The following FASTKD1 variants were observed in gnomAD, a reference collection of about 807,000 sequenced individuals.
FASTKD1 encodes the protein FAST kinase domain-containing protein 1, mitochondrial.
FASTKD1 carries 94 observed loss-of-function variants against 90.9 expected under a neutral mutation model. That is an observed-to-expected ratio of 1.03 (90% confidence interval 0.88 to 1.23). The LOEUF (loss-of-function observed/expected upper bound fraction) is 1.23. Ranked by LOEUF, FASTKD1 falls within the 50% of genes most tolerant of loss-of-function variation. The pLI is 0.00. For synonymous variants in FASTKD1, 319 were observed against 345.8 expected (o/e 0.92, Z 0.86); for missense variants, 945 against 993.5 (o/e 0.95, Z 0.66).
chr2:169,560,312 GC>G, intron 5 of FASTKD1, 74 bp downstream of exon 5: 2 of 1,178,020 alleles, frequency 1.7e-6, no homozygotes, highest in African/African-American at 3.1e-5. Context: ...ACCTTCCAGA[GC>G]TGCAAGGAGA....
rs1486699896 is a variant in FASTKD1 at position 169,544,716 on chromosome 2, C to T, written c.1816+5G>A. 4 of 1,507,896 alleles carry T rather than the reference C, an allele frequency of 2.7e-6. No individual in the cohort carries two copies. Among genetic ancestry groups the T allele is most frequent in the Non-Finnish European group, 9.2e-7 (1 of 1,084,758 alleles). The allele number at this position is 1,507,896 out of a possible 1,614,324, so 93.4% of individuals were successfully genotyped here. The stretch of plus-strand genomic sequence containing the variant: ...ACTCAATGTATTACCAAACAATATA[C>T]CTACCTAAGTAAGAATTAAGATGTT... On this transcript the variant is annotated splice_donor_5th_base_variant and intron_variant, in intron 9 of 14. Coordinates refer to ENST00000453153, the MANE Select transcript of FASTKD1 (RefSeq NM_024622.6).
At chr2:169,539,986 A>C in intron 10 of FASTKD1, 65 bp downstream of exon 10, 1 of 1,043,134 alleles carries the variant, frequency 9.6e-7, no homozygotes, top group Non-Finnish European at 1.4e-6. Flanking sequence ...TTCAGTATAG[A>C]TAGACCTGAG....
At position 169,546,258 on chromosome 2, in the gene FASTKD1, A is replaced by G; in HGVS notation, c.1661T>C (p.Leu554Pro). ...SSTDYLSTLL[L>P]DRIASVAVQQ... Reference sequence around the variant, plus strand: ...AACAGCCACTGAGGCTATCCTATCTAGTAGCAAAGTACTGAGGTAATCAGT... The same window carrying G: ...AACAGCCACTGAGGCTATCCTATCTGGTAGCAAAGTACTGAGGTAATCAGT... Residue 554 changes from leucine (L) to proline (P), a missense_variant, in exon 8 of 15, where the codon CTA becomes CCA. Leu to Pro is a moderately conservative substitution (Grantham distance 98). Coordinates refer to ENST00000453153, the MANE Select transcript of FASTKD1 (RefSeq NM_024622.6). 1.2e-6 allele frequency: 2 copies of G among 1,607,360 alleles called. No individual in the cohort carries two copies. The highest frequency in any genetic ancestry group is 4.5e-5 in the East Asian group (2 of 44,802).
intron 7 of FASTKD1, among the ~76,000 whole-genome samples, chr2:169,554,278 TAAAAAAAAAAAAAAAAAAAAA>T (rs58641456): frequency 3.4e-5 from 1 of 29,782 alleles, no homozygotes; most frequent in Non-Finnish European, 5.2e-5. Context: ...ACCCTGTCTC[TAAAAAAAAAAAAAAAAAAAAA>T]AAAAAAAAAA....
chr2:169,537,422 T>C, intron 11 of FASTKD1, 82 bp from the exon 12 acceptor site: 1 of 911,094 alleles, frequency 1.1e-6, no homozygotes, highest in East Asian at 2.9e-5. Flanking sequence ...TTCGCTCTTG[T>C]TGCCCAGGCT....
chr2:169,567,505 T>C (rs1431470299), intron 3 of FASTKD1, among the ~76,000 whole-genome samples: 1 of 152,190 alleles, frequency 6.6e-6, no homozygotes, highest in East Asian at 1.9e-4. Flanking sequence ...AAGATTAACT[T>C]AAAATCACAA....
At chr2:169,544,235 T>C (rs1338236539) in intron 9 of FASTKD1, among the ~76,000 whole-genome samples, 1 of 152,214 alleles carries the variant, frequency 6.6e-6, no homozygotes, top group Non-Finnish European at 1.5e-5. Context: ...TGTTTAATTC[T>C]TTATACAAGT....
chr2:169,542,583 T>C (rs990405995), intron 9 of FASTKD1, among the ~76,000 whole-genome samples: 1 of 152,232 alleles, frequency 6.6e-6, no homozygotes, highest in African/African-American at 2.4e-5. Flanking sequence ...AAGACTTTTC[T>C]GGCCAGGTGT....
chr2:169,537,121 C>T, intron 12 of FASTKD1, 106 bp downstream of exon 12: 3 of 651,212 alleles, frequency 4.6e-6, no homozygotes, highest in Non-Finnish European at 2.6e-6. Context: ...ATAATAACAA[C>T]TTGAAAAAAA....
At chr2:169,547,621 C>A (rs1338959211) in intron 7 of FASTKD1, among the ~76,000 whole-genome samples, 1 of 152,138 alleles carries the variant, frequency 6.6e-6, no homozygotes, top group East Asian at 1.9e-4. Context: ...ATAGGCCAGG[C>A]ACGGTGGCTC....
rs1224276952 is a variant in FASTKD1 at position 169,557,177 on chromosome 2, GA to G, written c.1082+9del. The stretch of plus-strand genomic sequence containing the variant: ...AACAAACTTAACGTCGTAAATTTCA[GA>G]AAAGATACCTTTTAATCAGACATGA... On this transcript the variant is annotated intron_variant, in intron 6 of 14. Transcript: ENST00000453153. 13 of 1,551,726 alleles carry G rather than the reference GA, an allele frequency of 8.4e-6. No homozygotes were observed. Among genetic ancestry groups the G allele is most frequent in the Non-Finnish European group, 1.2e-5 (13 of 1,124,814 alleles).
At position 169,572,034 on chromosome 2, in the gene FASTKD1, A is replaced by G. The variant is rs879055818; in HGVS notation, c.-5T>C. 3 of 1,560,080 alleles carry G rather than the reference A, an allele frequency of 1.9e-6. No individual in the cohort carries two copies. The Admixed American group carries it at 6.1e-5, about 32-fold the overall frequency. On this transcript the variant is annotated 5_prime_UTR_variant, in exon 2 of 15. Coordinates refer to ENST00000453153, the MANE Select transcript of FASTKD1 (RefSeq NM_024622.6). ...GAAAACAGGTGTTTTTTTCATTTAT[A>G]TCACAAGTTTTCTTAGGTAAACAAA...
chr2:169,543,463 C>CA (rs372704087), intron 9 of FASTKD1, among the ~76,000 whole-genome samples: 4,126 of 147,584 alleles, frequency 0.028, 177 homozygotes, highest in African/African-American at 0.097. Flanking sequence ...AACTCTGTCT[C>CA]AAAAAAAAAA....
intron 10 of FASTKD1, among the ~76,000 whole-genome samples, chr2:169,538,774 C>G (rs1226201635): frequency 1.3e-5 from 2 of 149,090 alleles, no homozygotes; most frequent in Non-Finnish European, 1.5e-5. Context: ...TCATGTATAA[C>G]AAATCATTAC....
chr2:169,547,637 T>A (rs937341895), intron 7 of FASTKD1, among the ~76,000 whole-genome samples: 1 of 151,912 alleles, frequency 6.6e-6, no homozygotes, highest in Non-Finnish European at 1.5e-5. Flanking sequence ...GGCTCATGTC[T>A]GTAATCCCAG....
At chr2:169,535,471 G>A (rs201212749) in intron 12 of FASTKD1, among the ~76,000 whole-genome samples, 11 of 38,356 alleles carry the variant, frequency 2.9e-4, no homozygotes, top group South Asian at 8.7e-4. Flanking sequence ...TTTATTATTT[G>A]TTTATTTATT....
intron 3 of FASTKD1, among the ~76,000 whole-genome samples, chr2:169,568,095 A>G (rs1190150355): frequency 6.6e-6 from 1 of 152,198 alleles, no homozygotes; most frequent in Non-Finnish European, 1.5e-5. Flanking sequence ...TAGGAAATAT[A>G]TCTGAATTAA....
Position 169,529,625 on chromosome 2 carries a change from A to T in FASTKD1, c.*200T>A. The T allele has an allele frequency of 2.1e-6, 1 of 474,910 alleles. No individual in the cohort carries two copies. 29.4% of individuals were successfully genotyped at this position (474,910 alleles called of 1,614,324 possible). On this transcript the variant is annotated 3_prime_UTR_variant, in exon 15 of 15. Coordinates refer to ENST00000453153, the MANE Select transcript of FASTKD1 (RefSeq NM_024622.6). ...CCAAGAGGTTGTATTTGACTCTGTTATCTCTTATCTTTTCTCTTATACACT... is the reference window on the plus strand; with the variant it reads ...CCAAGAGGTTGTATTTGACTCTGTTTTCTCTTATCTTTTCTCTTATACACT...
intron 7 of FASTKD1, among the ~76,000 whole-genome samples, chr2:169,548,940 A>G (rs983981950): frequency 1.3e-5 from 2 of 151,234 alleles, no homozygotes; most frequent in African/African-American, 4.9e-5. Context: ...TAAAAATACA[A>G]AAAAGAGTTA....
Sources: gnomAD v4.1 joint callset for allele counts (sites outside exome capture counted in the v4.1 genomes callset) on GRCh38, gnomAD v4.1.1 for gene constraint, MANE v1.5 for transcripts, NCBI Gene and HGNC (gene_info 2026-07-23, HGNC 2026-07-21) for gene names.